The following PPP4R4 variants were observed in gnomAD, a reference collection of about 807,000 sequenced individuals.
The protein encoded by PPP4R4 is protein phosphatase 4 regulatory subunit 4, also known as serine/threonine-protein phosphatase 4 regulatory subunit 4.
Under a neutral mutation model 121.8 loss-of-function variants are expected in PPP4R4, and 70 were observed. That is an observed-to-expected ratio of 0.57 (90% CI 0.47 to 0.70). The LOEUF (loss-of-function observed/expected upper bound fraction) is 0.70, where lower values mean the gene tolerates loss of function less well. Ranked by LOEUF, PPP4R4 falls within the 30% of genes least tolerant of loss-of-function variation. PPP4R4 has a pLI of 0.00. For synonymous variants in PPP4R4, 348 were observed against 355.7 expected, an observed-to-expected ratio of 0.98 and a Z score of 0.24; for missense variants, 875 against 1,033.6, an observed-to-expected ratio of 0.85 and a Z score of 2.10.
At chr14:94,199,638 G>C (rs1890063071) in intron 2 of PPP4R4, among the ~76,000 whole-genome samples, 1 of 152,144 alleles carries the variant, frequency 6.6e-6, no homozygotes. Flanking sequence ...GCAGATGGGG[G>C]AGCCAGAAGA....
rs72702370 is a variant in PPP4R4 at position 94,200,301 on chromosome 14, T to A, written c.192-8163T>A. ...TATGTTGTTTGTGAATAAAGATAAT[T>A]AAACTTCTAATCTGTAAGTCCTTTA... On this transcript the variant is annotated intron_variant, in intron 2 of 24. Transcript: ENST00000304338. Among the ~76,000 whole-genome samples, 355 of 152,268 alleles carry A rather than the reference T, an allele frequency of 2.3e-3. 2 individuals are homozygous for A. Among genetic ancestry groups the A allele is most frequent in the Middle Eastern group, 0.014 (4 of 294 alleles).
chr14:94,228,460 G>A (rs1891840445), intron 3 of PPP4R4, among the ~76,000 whole-genome samples: 1 of 152,188 alleles, frequency 6.6e-6, no homozygotes, highest in Non-Finnish European at 1.5e-5. Context: ...GTCCCACTGT[G>A]CTGAATCAAG....
intron 8 of PPP4R4, among the ~76,000 whole-genome samples, chr14:94,239,436 A>G (rs1892515606): frequency 7.0e-6 from 1 of 143,622 alleles, no homozygotes; most frequent in Non-Finnish European, 1.5e-5. Context: ...CCTATGAGTG[A>G]GAACTTGCGG....
intron 6 of PPP4R4, among the ~76,000 whole-genome samples, chr14:94,234,035 C>T (rs1006632726): frequency 6.6e-6 from 1 of 152,034 alleles, no homozygotes; most frequent in Non-Finnish European, 1.5e-5. Context: ...GATAAAATAG[C>T]GTTATCTTAT....
intron 24 of PPP4R4, among the ~76,000 whole-genome samples, chr14:94,277,109 G>A (rs1894684970): frequency 1.3e-5 from 2 of 152,120 alleles, no homozygotes; most frequent in African/African-American, 4.8e-5. Context: ...GACCAGCCTG[G>A]CCAACATGGT....
At chr14:94,180,456 G>C (rs1356490964) in intron 2 of PPP4R4, among the ~76,000 whole-genome samples, 1 of 152,030 alleles carries the variant, frequency 6.6e-6, no homozygotes, top group Admixed American at 6.5e-5. Context: ...TGTATTGATT[G>C]GTTAATGTAC....
At chr14:94,250,137 C>A in intron 14 of PPP4R4, 35 bp from the exon 15 acceptor site, 2 of 1,367,282 alleles carry the variant, frequency 1.5e-6, no homozygotes, top group Non-Finnish European at 2.1e-6. Context: ...TAGAATTAGC[C>A]TAGTGTAACT....
At chr14:94,273,602 A>C (rs1355268724) in intron 23 of PPP4R4, among the ~76,000 whole-genome samples, 1 of 152,162 alleles carries the variant, frequency 6.6e-6, no homozygotes, top group Non-Finnish European at 1.5e-5. Context: ...CCTAATGTGA[A>C]CTGTGGACTT....
At chr14:94,270,537 T>C (rs996231931) in intron 23 of PPP4R4, among the ~76,000 whole-genome samples, 1 of 152,170 alleles carries the variant, frequency 6.6e-6, no homozygotes, top group Admixed American at 6.5e-5. Context: ...TCATATATAG[T>C]CAGTAGATTT....
chr14:94,274,040 A>G (rs532860544), intron 23 of PPP4R4, among the ~76,000 whole-genome samples: 8 of 152,208 alleles, frequency 5.3e-5, no homozygotes, highest in African/African-American at 1.9e-4. Flanking sequence ...CAAGTATTCT[A>G]CATTCTATGA....
chr14:94,187,295 G>C (rs1889340517), intron 2 of PPP4R4, among the ~76,000 whole-genome samples: 2 of 151,956 alleles, frequency 1.3e-5, no homozygotes, highest in Admixed American at 6.6e-5. Flanking sequence ...GACAGAGCAA[G>C]ACTCTGTCTC....
intron 17 of PPP4R4, 106 bp downstream of exon 17, chr14:94,256,710 T>G: frequency 8.7e-7 from 1 of 1,155,286 alleles, no homozygotes; most frequent in Non-Finnish European, 1.2e-6. Flanking sequence ...ACAATATTTT[T>G]ATCCTTGCTA....
At chr14:94,264,008 C>T (rs1044044240) in intron 19 of PPP4R4, among the ~76,000 whole-genome samples, 1 of 152,156 alleles carries the variant, frequency 6.6e-6, no homozygotes, top group African/African-American at 2.4e-5. Flanking sequence ...CATGCCTATT[C>T]TGTTAGCATA....
chr14:94,249,658 A>G (rs185639772), intron 14 of PPP4R4, among the ~76,000 whole-genome samples: 2 of 152,192 alleles, frequency 1.3e-5, no homozygotes, highest in African/African-American at 4.8e-5. Flanking sequence ...AAATACTGGT[A>G]AGAATGATTG....
Position 94,278,978 on chromosome 14 carries a change from C to CA in PPP4R4, c.*336dup, listed in dbSNP as rs1189377710. 43 of 170,094 alleles carry CA rather than the reference C, an allele frequency of 2.5e-4. No individual in the cohort carries two copies. The highest frequency in any genetic ancestry group is 9.5e-4 in the African/African-American group (40 of 42,122). 10.5% of individuals were successfully genotyped at this position (170,094 alleles called of 1,614,324 possible). A position where few individuals can be genotyped will look rare whatever the true frequency, so the allele number is the denominator to read the frequency against. ...GTCTGCATTTATTTGTGCAGGAAAC[C>CA]AGCCATTTAATTGTTCTAGAGTTTT... On this transcript the variant is annotated 3_prime_UTR_variant, in exon 25 of 25. Transcript: ENST00000304338.
chr14:94,234,420 A>C (rs1300429633), intron 6 of PPP4R4, 142 bp from the exon 7 acceptor site: 1 of 599,044 alleles, frequency 1.7e-6, no homozygotes, highest in Non-Finnish European at 2.9e-6. Flanking sequence ...TAACATGTAA[A>C]ATACCTTGTA....
intron 3 of PPP4R4, chr14:94,227,803 G>T: frequency 1.0e-6 from 1 of 986,924 alleles, no homozygotes; most frequent in Admixed American, 6.1e-5. Flanking sequence ...ATATTTATTT[G>T]CAAAGTCCTT....
intron 2 of PPP4R4, among the ~76,000 whole-genome samples, chr14:94,189,943 C>T (rs915142774): frequency 6.6e-6 from 1 of 152,200 alleles, no homozygotes; most frequent in Non-Finnish European, 1.5e-5. Flanking sequence ...AATGATTGAA[C>T]ATGTCACTTT....
At chr14:94,177,182 A>G (rs1392381522) in intron 2 of PPP4R4, among the ~76,000 whole-genome samples, 2 of 152,178 alleles carry the variant, frequency 1.3e-5, no homozygotes, top group Non-Finnish European at 2.9e-5. Context: ...ATATCAGCAT[A>G]TTTACCATGT....
Sources: allele counts gnomAD v4.1 joint callset (sites outside exome capture counted in the v4.1 genomes callset), GRCh38; gene constraint gnomAD v4.1.1; transcripts MANE v1.5; gene names NCBI Gene and HGNC (gene_info 2026-07-23, HGNC 2026-07-21).